The following RHOBTB1 variants were observed in gnomAD, a reference collection of about 807,000 sequenced individuals.
RHOBTB1 encodes rho-related BTB domain-containing protein 1.
In RHOBTB1, 40 loss-of-function variants were observed where a neutral mutation model predicts 71.6. The observed-to-expected ratio is 0.56, with a 90% CI of 0.43 to 0.73. The LOEUF is 0.73. Among genes scored for constraint, RHOBTB1 ranks in the 30% least tolerant of loss-of-function variants. The probability of loss-of-function intolerance (pLI) is 0.00; values close to 1 mark genes in which losing one functional copy is unlikely to be tolerated. For synonymous variants in RHOBTB1, 319 were observed against 334.9 expected, an observed-to-expected ratio of 0.95 and a Z score of 0.52; for missense variants, 797 against 894.0, an observed-to-expected ratio of 0.89 and a Z score of 1.38.
At chr10:60,906,684 T>C (rs1328469618) in intron 4 of RHOBTB1, among the ~76,000 whole-genome samples, 1 of 152,204 alleles carries the variant, frequency 6.6e-6, no homozygotes, top group Non-Finnish European at 1.5e-5. Context: ...AGCACAGGCC[T>C]GGTGCCTGGG....
In RHOBTB1 at chr10:60,907,468, A is replaced by G. The variant is rs539570073; in HGVS notation, c.296+3419T>C. Among the ~76,000 whole-genome samples, 17 of 152,310 alleles carry G rather than the reference A, an allele frequency of 1.1e-4. No homozygotes were observed. The East Asian group carries it at 2.7e-3, about 24-fold the overall frequency. ...CCTGACATTTTAAAAGATCCAGAAA[A>G]GAGCTTCAAAAGTTCATCCAAAAGT... On this transcript the variant is annotated intron_variant, in intron 4 of 10. Transcript: ENST00000337910.
intron 2 of RHOBTB1, among the ~76,000 whole-genome samples, chr10:60,984,012 A>T (rs542766915): frequency 6.6e-6 from 1 of 152,344 alleles, no homozygotes; most frequent in East Asian, 1.9e-4. Flanking sequence ...ATATTTGACA[A>T]CTACCTGAAA....
intron 2 of RHOBTB1, 123 bp from the exon 3 acceptor site, chr10:60,911,675 G>C: frequency 1.3e-6 from 1 of 763,934 alleles, no homozygotes. Flanking sequence ...ACAAGCACAG[G>C]AAAGAATGTT....
At chr10:60,912,590 T>C (rs2083050670) in intron 2 of RHOBTB1, among the ~76,000 whole-genome samples, 1 of 152,190 alleles carries the variant, frequency 6.6e-6, no homozygotes, top group Non-Finnish European at 1.5e-5. Flanking sequence ...AATTATCTTC[T>C]GTGTTTTCAT....
chr10:60,987,635 C>G (rs1010024880), intron 1 of RHOBTB1, among the ~76,000 whole-genome samples: 1 of 152,174 alleles, frequency 6.6e-6, no homozygotes, highest in African/African-American at 2.4e-5. Context: ...CCCATCATTT[C>G]CCAGGTTTCC....
At chr10:60,862,051 A>ACTTC in the RHOBTB1 span, among the ~76,000 whole-genome samples, 1 of 150,916 alleles carries the variant, frequency 6.6e-6, no homozygotes. Flanking sequence ...CTAAGCAATG[A>ACTTC]CTTCCTTCCT....
intron 1 of RHOBTB1, among the ~76,000 whole-genome samples, chr10:60,993,055 G>T (rs1225317058): frequency 1.3e-5 from 2 of 152,070 alleles, no homozygotes; most frequent in Admixed American, 1.3e-4. Flanking sequence ...CGAGGGCTTC[G>T]GGCATTTTAT....
In RHOBTB1 at chr10:60,918,645, TA is replaced by T. The variant is rs1221307682; in HGVS notation, c.-10-7094del. Among the ~76,000 whole-genome samples, 3 of 152,176 alleles carry T rather than the reference TA, an allele frequency of 2.0e-5. No individual in the cohort carries two copies. In the East Asian group the frequency reaches 5.8e-4, roughly 29 times the overall value. On this transcript the variant is annotated intron_variant, in intron 2 of 10. Coordinates refer to ENST00000337910, the MANE Select transcript of RHOBTB1 (RefSeq NM_014836.5). ...TTATCACTTGTCTAAGAAACCCCAC[TA>T]GGGGTCTCCTAATTGCTGTGAATCA...
At position 60,910,980 on chromosome 10, in the gene RHOBTB1, C is replaced by T. The variant is rs772813661; in HGVS notation, c.203G>A (p.Arg68His). ...QYRVCQEVLERSRDVVDEVSV... is the reference protein window; with the variant it reads ...QYRVCQEVLEHSRDVVDEVSV... ...CACTTCATCAACAACATCCCGAGAA[C>T]GCTCCAAGACCTGCAGGAGAGAGAG... The change falls in exon 4 of 11, where the codon CGT (arginine) becomes CAT (histidine). Residue 68 changes from arginine (R) to histidine (H), a missense_variant. Around this residue, in one of 2 missense-constraint regions of RHOBTB1, gnomAD observed 139 missense variants for 212.5 expected, o/e 0.65. Transcript: ENST00000337910. 7.4e-6 allele frequency: 12 copies of T among 1,613,644 alleles called. No homozygotes were observed. Among genetic ancestry groups the T allele is most frequent in the Middle Eastern group, 1.6e-4 (1 of 6,084 alleles).
intron 2 of RHOBTB1, among the ~76,000 whole-genome samples, chr10:60,922,805 C>T (rs906318109): frequency 3.3e-5 from 5 of 152,194 alleles, no homozygotes; most frequent in African/African-American, 9.6e-5. Context: ...TCTGCTTTTG[C>T]TTCCTCCAGC....
intron 2 of RHOBTB1, among the ~76,000 whole-genome samples, chr10:60,973,536 C>T (rs1223418687): frequency 2.6e-5 from 4 of 152,070 alleles, no homozygotes; most frequent in Non-Finnish European, 5.9e-5. Context: ...AACATCAGAA[C>T]TAAATGAGGA....
chr10:60,930,167 C>T (rs982904980), intron 2 of RHOBTB1, among the ~76,000 whole-genome samples: 5 of 152,122 alleles, frequency 3.3e-5, no homozygotes, highest in African/African-American at 9.7e-5. Flanking sequence ...ATATTTACCA[C>T]ATCTTTAAGA....
intron 2 of RHOBTB1, among the ~76,000 whole-genome samples, 193 bp downstream of exon 2, chr10:60,941,611 C>T (rs1458071216): frequency 6.6e-6 from 1 of 152,074 alleles, no homozygotes; most frequent in African/African-American, 2.4e-5. Flanking sequence ...ATATTTGTAC[C>T]ATTGTACTCC....
chr10:60,993,429 A>G (rs1049315660), intron 1 of RHOBTB1, among the ~76,000 whole-genome samples: 8 of 152,326 alleles, frequency 5.3e-5, no homozygotes, highest in African/African-American at 1.9e-4. Flanking sequence ...AGTTTCTATT[A>G]TATACATATG....
At chr10:60,939,520 C>T (rs543546295) in intron 2 of RHOBTB1, among the ~76,000 whole-genome samples, 1 of 152,132 alleles carries the variant, frequency 6.6e-6, no homozygotes. Flanking sequence ...CACACACTCG[C>T]CCATCTCCTA....
At chr10:60,933,903 C>T (rs1192449950) in intron 2 of RHOBTB1, among the ~76,000 whole-genome samples, 1 of 152,078 alleles carries the variant, frequency 6.6e-6, no homozygotes, top group Non-Finnish European at 1.5e-5. Flanking sequence ...TACAGAATAA[C>T]ACCACTCCTT....
intron 5 of RHOBTB1, among the ~76,000 whole-genome samples, chr10:60,892,010 C>T (rs1423052503): frequency 2.6e-5 from 4 of 152,152 alleles, no homozygotes; most frequent in Middle Eastern, 3.2e-3. Context: ...TGCCGCCATA[C>T]GAAGAAGGAT....
chr10:60,866,412 C>G (rs1589129284), downstream of RHOBTB1, among the ~76,000 whole-genome samples: 1 of 152,150 alleles, frequency 6.6e-6, no homozygotes, highest in East Asian at 1.9e-4. Flanking sequence ...TGAAACAACA[C>G]TGTATATAAA....
At chr10:60,913,675 A>T (rs2083112816) in intron 2 of RHOBTB1, among the ~76,000 whole-genome samples, 1 of 152,120 alleles carries the variant, frequency 6.6e-6, no homozygotes, top group Admixed American at 6.6e-5. Context: ...AAGATCAGAG[A>T]CACTGCTGCT....
Sources: allele counts gnomAD v4.1 joint callset (sites outside exome capture counted in the v4.1 genomes callset), GRCh38; gene constraint gnomAD v4.1.1; regional missense constraint gnomAD v4.1.1; transcripts MANE v1.5; gene names NCBI Gene and HGNC (gene_info 2026-07-23, HGNC 2026-07-21).